Variants in FRMPD3 observed in about 807,000 individuals in gnomAD.
FRMPD3 encodes the protein FERM and PDZ domain-containing protein 3.
FRMPD3 carries 42 observed loss-of-function variants against 97.9 expected under a neutral mutation model. The ratio of observed to expected loss-of-function variants is 0.43; its 90% CI spans 0.34 to 0.55. The LOEUF (loss-of-function observed/expected upper bound fraction) is 0.55. Ranked by LOEUF, FRMPD3 falls within the 20% of genes least tolerant of loss-of-function variation. The pLI is 0.03. For missense variants in FRMPD3, 1,303 were observed against 1,457.7 expected, an observed-to-expected ratio of 0.89 and a Z score of 1.73; for synonymous variants, 577 against 581.1, an observed-to-expected ratio of 0.99 and a Z score of 0.10.
Position 107,602,183 on chromosome X carries a change from T to C in FRMPD3, c.4144T>C (p.Cys1382Arg). The change falls in exon 15 of 15, where the codon TGT (cysteine) becomes CGT (arginine). Residue 1382 changes from cysteine (C) to arginine (R), a missense_variant. Cys to Arg is a radical substitution (Grantham distance 180). Around this residue, in one of 3 missense-constraint regions of FRMPD3, gnomAD observed 764 missense variants for 820.2 expected, o/e 0.93. Transcript: ENST00000683843. ...GACCACGTGTGCCTCGGGGGGCGAG[T>C]GTCTGGGAGCTCCCAATTACAGGAA... ...CLTTCASGGE[C>R]LGAPNYRKLM... The C allele has an allele frequency of 5.0e-6, 6 of 1,208,751 alleles. No individual in the cohort carries two copies. Among genetic ancestry groups the C allele is most frequent in the Non-Finnish European group, 6.7e-6 (6 of 894,801 alleles).
chrX:107,489,727 C>T (rs1275342746), intron 1 of FRMPD3, among the ~76,000 whole-genome samples: 1 of 111,714 alleles, frequency 9.0e-6, no homozygotes, highest in Non-Finnish European at 1.9e-5. Context: ...ATTGTAGATT[C>T]TGGATATTAG....
At chrX:107,506,210 A>G (rs1028819374) in intron 1 of FRMPD3, among the ~76,000 whole-genome samples, 4 of 112,191 alleles carry the variant, frequency 3.6e-5, no homozygotes, top group Non-Finnish European at 7.5e-5. Flanking sequence ...TGTCTGAGGT[A>G]AAGAGGGATG....
intron 1 of FRMPD3, among the ~76,000 whole-genome samples, chrX:107,517,749 G>A (rs747033575): frequency 5.1e-4 from 47 of 92,237 alleles, no homozygotes; most frequent in African/African-American, 1.8e-3. Flanking sequence ...CATCAACAGC[G>A]AAACTCTGGG....
intron 2 of FRMPD3, 134 bp downstream of exon 2, chrX:107,526,870 C>T: frequency 3.0e-6 from 2 of 658,828 alleles, no homozygotes; most frequent in Non-Finnish European, 4.4e-6. Context: ...TGAAGACTTG[C>T]CAACCAATAA....
chrX:107,566,510 G>T (rs769350939), intron 12 of FRMPD3, among the ~76,000 whole-genome samples: 2 of 112,145 alleles, frequency 1.8e-5, no homozygotes, highest in Non-Finnish European at 1.9e-5. Context: ...AGAGAAGGGG[G>T]CAGGGAAGAC....
chrX:107,492,469 G>A (rs929554417), intron 1 of FRMPD3, among the ~76,000 whole-genome samples: 12 of 111,815 alleles, frequency 1.1e-4, no homozygotes, highest in Non-Finnish European at 1.5e-4. Context: ...GGGGAAAAAA[G>A]GGTTTCTGGG....
chrX:107,570,736 C>T (rs755010463), intron 12 of FRMPD3, among the ~76,000 whole-genome samples: 20 of 111,687 alleles, frequency 1.8e-4, no homozygotes, highest in Admixed American at 3.8e-4. Context: ...CCCCTCCAGG[C>T]CCCTTGATTC....
intron 11 of FRMPD3, among the ~76,000 whole-genome samples, chrX:107,564,584 A>G (rs748408844): frequency 1.8e-5 from 2 of 112,291 alleles, no homozygotes; most frequent in Non-Finnish European, 3.8e-5. Context: ...AAGGCCCCCA[A>G]ACAAACCTCA....
rs931770887 is a variant in FRMPD3 at position 107,603,705 on chromosome X, G to A, written c.*332G>A. ...ATCAGGCTCACTTCCTGCTCAATCC[G>A]TGTTGGGCGCTGGGGGAGCCAGGGC... is the stretch of plus-strand genomic sequence containing the variant. On this transcript the variant is annotated 3_prime_UTR_variant, in exon 15 of 15. Transcript: ENST00000683843. 5 of 188,684 alleles carry A rather than the reference G, an allele frequency of 2.6e-5. No homozygotes were observed. The highest frequency in any genetic ancestry group is 5.9e-5 in the African/African-American group (2 of 33,831). The allele number at this position is 188,684 out of a possible 1,213,427, so 15.5% of individuals were successfully genotyped here.
At chrX:107,557,693 G>GTGTT (rs1399051101) in intron 8 of FRMPD3, among the ~76,000 whole-genome samples, 4 of 83,400 alleles carry the variant, frequency 4.8e-5, no homozygotes, top group African/African-American at 2.3e-4. Flanking sequence ...GTGTGTGTGT[G>GTGTT]TTTTTTTTTG....
chrX:107,499,207 A>G (rs1191817549), intron 1 of FRMPD3, among the ~76,000 whole-genome samples: 2 of 112,104 alleles, frequency 1.8e-5, no homozygotes, highest in Admixed American at 9.4e-5. Flanking sequence ...TGAGGTTCAG[A>G]TAGGGTTTCG....
chrX:107,468,111 C>T lies in FRMPD3; in HGVS notation c.-8+18106C>T, dbSNP rs139695649. ...TGTGCAGTCAAAAAGCCCACCCCTA[C>T]TCTACTTCTCCCCATCCTAGGCAGT... is the stretch of plus-strand genomic sequence containing the variant. On this transcript the variant is annotated intron_variant, in intron 1 of 14. Coordinates refer to ENST00000683843, the MANE Select transcript of FRMPD3 (RefSeq NM_001388459.1). Among the ~76,000 whole-genome samples the T allele has an allele frequency of 2.6e-3, 292 of 111,686 alleles. 4 individuals are homozygous for T. Among genetic ancestry groups the T allele is most frequent in the African/African-American group, 9.0e-3 (277 of 30,697 alleles).
intron 8 of FRMPD3, among the ~76,000 whole-genome samples, chrX:107,559,933 A>T (rs1404423022): frequency 2.7e-5 from 3 of 109,213 alleles, no homozygotes; most frequent in Non-Finnish European, 5.7e-5. Flanking sequence ...AAAAAGTAGG[A>T]AAGTCTCTTA....
intron 13 of FRMPD3, among the ~76,000 whole-genome samples, chrX:107,587,511 T>A (rs930394855): frequency 8.9e-6 from 1 of 111,803 alleles, no homozygotes; most frequent in African/African-American, 3.3e-5. Context: ...TCTGGTTATG[T>A]TGGACACTAG....
Position 107,516,728 on chromosome X carries a change from T to C in FRMPD3, c.-7-9854T>C, listed in dbSNP as rs937568696. On this transcript the variant is annotated intron_variant, in intron 1 of 14. Transcript: ENST00000683843. ...GCCCACTTGTTGATGGGGTTGTTTT[T>C]TTTTTTCTTGTAAATTTGTTTGAGT... Among the ~76,000 whole-genome samples the C allele has an allele frequency of 1.5e-4, 17 of 111,028 alleles. No homozygotes were observed. The Admixed American group carries it at 1.6e-3, about 11-fold the overall frequency.
At chrX:107,458,640 A>C (rs1018791565) in intron 1 of FRMPD3, among the ~76,000 whole-genome samples, 6 of 111,871 alleles carry the variant, frequency 5.4e-5, no homozygotes, top group Admixed American at 4.7e-4. Flanking sequence ...CAGTGGGGAA[A>C]AAATGATTGG....
At chrX:107,520,555 G>A (rs1922475709) in intron 1 of FRMPD3, among the ~76,000 whole-genome samples, 1 of 111,254 alleles carries the variant, frequency 9.0e-6, no homozygotes, top group Non-Finnish European at 1.9e-5. Flanking sequence ...AGCTCCTGGG[G>A]AGGCTGAGGT....
intron 8 of FRMPD3, among the ~76,000 whole-genome samples, chrX:107,557,960 C>T (rs1407014353): frequency 1.9e-5 from 2 of 104,875 alleles, no homozygotes; most frequent in South Asian, 8.9e-4. Context: ...AGTATTTGTT[C>T]TCCAACTTTG....
intron 4 of FRMPD3, among the ~76,000 whole-genome samples, chrX:107,539,406 T>C (rs1921185398): frequency 8.9e-6 from 1 of 112,279 alleles, no homozygotes; most frequent in Admixed American, 9.5e-5. Flanking sequence ...TCTTTAGACC[T>C]TGGCACACAG....
Sources: gnomAD v4.1 joint callset for allele counts (sites outside exome capture counted in the v4.1 genomes callset) on GRCh38, gnomAD v4.1.1 for gene constraint, gnomAD v4.1.1 regional missense constraint, MANE v1.5 for transcripts, NCBI Gene and HGNC (gene_info 2026-07-23, HGNC 2026-07-21) for gene names.